The following SLC25A26 variants were observed in gnomAD, a reference collection of about 807,000 sequenced individuals.
The protein encoded by SLC25A26 is solute carrier family 25 member 26, also known as mitochondrial S-adenosylmethionine carrier protein.
A neutral mutation model predicts 37.8 loss-of-function variants in SLC25A26; 36 were observed. The ratio of observed to expected loss-of-function variants is 0.95; its 90% CI spans 0.73 to 1.26. The LOEUF (loss-of-function observed/expected upper bound fraction) is 1.26, where lower values mean the gene tolerates loss of function less well. Ranked by LOEUF, SLC25A26 falls within the 50% of genes most tolerant of loss-of-function variation. The probability of loss-of-function intolerance (pLI) is 0.00; values close to 1 mark genes in which losing one functional copy is unlikely to be tolerated. For synonymous variants in SLC25A26, 129 were observed against 122.5 expected (o/e 1.05, Z -0.35); for missense variants, 390 against 331.1 (o/e 1.18, Z -1.38).
intron 3 of SLC25A26, among the ~76,000 whole-genome samples, chr3:66,255,625 A>G (rs1177618540): frequency 6.6e-6 from 1 of 152,154 alleles, no homozygotes; most frequent in African/African-American, 2.4e-5. Flanking sequence ...TGAACCTCAG[A>G]TTTATAAGGA....
intron 5 of SLC25A26, among the ~76,000 whole-genome samples, chr3:66,288,000 A>G (rs899786871): frequency 6.6e-6 from 1 of 152,240 alleles, no homozygotes; most frequent in African/African-American, 2.4e-5. Flanking sequence ...GTTCACCAGA[A>G]AACATTTATA....
At chr3:66,222,758 C>T (rs1181277337) in intron 1 of SLC25A26, among the ~76,000 whole-genome samples, 4 of 152,182 alleles carry the variant, frequency 2.6e-5, no homozygotes, top group South Asian at 4.1e-4. Context: ...ACCTGGGAGT[C>T]GTGCCCTTAT....
chr3:66,208,956 A>C (rs2071224477), intron 1 of SLC25A26, among the ~76,000 whole-genome samples: 1 of 106,444 alleles, frequency 9.4e-6, no homozygotes, highest in Non-Finnish European at 1.8e-5. Context: ...TTATATATAT[A>C]TACCCATATA....
chr3:66,354,434 T>G (rs2076529127), intron 6 of SLC25A26, among the ~76,000 whole-genome samples: 1 of 152,224 alleles, frequency 6.6e-6, no homozygotes, highest in African/African-American at 2.4e-5. Flanking sequence ...GCATTATCAC[T>G]TCACTTATAT....
intron 1 of SLC25A26, among the ~76,000 whole-genome samples, chr3:66,214,225 T>C (rs1268975697): frequency 6.6e-6 from 1 of 152,080 alleles, no homozygotes; most frequent in Non-Finnish European, 1.5e-5. Context: ...CTGGCAGCTA[T>C]CTTTCTACCT....
At chr3:66,139,673 C>CA (rs2070005278) in intron 1 of SLC25A26, among the ~76,000 whole-genome samples, 1 of 152,184 alleles carries the variant, frequency 6.6e-6, no homozygotes, top group Admixed American at 6.5e-5. Flanking sequence ...AGATGGTCGG[C>CA]TGCAGTGTTA....
intron 5 of SLC25A26, among the ~76,000 whole-genome samples, chr3:66,270,429 G>C (rs2073918603): frequency 6.6e-6 from 1 of 152,028 alleles, no homozygotes; most frequent in Non-Finnish European, 1.5e-5. Flanking sequence ...TGACCAAATA[G>C]AACATCTGTT....
chr3:66,221,804 G>A (rs1273830285), intron 1 of SLC25A26, among the ~76,000 whole-genome samples: 2 of 150,522 alleles, frequency 1.3e-5, no homozygotes, highest in Admixed American at 1.3e-4. Context: ...AGATACAGCA[G>A]TTAACAAAAC....
chr3:66,363,954 A>G lies in SLC25A26; in HGVS notation c.568+1025A>G, dbSNP rs548080953. On this transcript the variant is annotated intron_variant, in intron 7 of 9. Coordinates refer to ENST00000354883, the MANE Select transcript of SLC25A26 (RefSeq NM_001379210.1). ...CACATAGTCATTAGCTGTGTTAAATAAGTAGGTGGTCTTGATTCATTTTCC... is the reference window on the plus strand; with the variant it reads ...CACATAGTCATTAGCTGTGTTAAATGAGTAGGTGGTCTTGATTCATTTTCC... 2.0e-5 allele frequency among the ~76,000 whole-genome samples: 3 copies of G among 151,852 alleles called. No homozygotes were observed. In the South Asian group the frequency reaches 6.2e-4, roughly 32 times the overall value.
chr3:66,140,559 A>ATGTT (rs2070018689), intron 1 of SLC25A26, among the ~76,000 whole-genome samples: 1 of 152,206 alleles, frequency 6.6e-6, no homozygotes, highest in Non-Finnish European at 1.5e-5. Context: ...TACAGGATGC[A>ATGTT]CGCTGAGGTA....
intron 7 of SLC25A26, among the ~76,000 whole-genome samples, chr3:66,365,416 G>A (rs1265988662): frequency 6.6e-6 from 1 of 152,156 alleles, no homozygotes; most frequent in African/African-American, 2.4e-5. Flanking sequence ...AAATTCCCTT[G>A]GCTTCTGGTC....
intron 1 of SLC25A26, among the ~76,000 whole-genome samples, chr3:66,138,869 T>C (rs2106661611): frequency 1.3e-5 from 2 of 152,258 alleles, no homozygotes; most frequent in Admixed American, 1.3e-4. Context: ...ATGTGAATAG[T>C]AATGGTCCTG....
At chr3:66,272,164 A>G (rs1183681819) in intron 5 of SLC25A26, among the ~76,000 whole-genome samples, 1 of 152,128 alleles carries the variant, frequency 6.6e-6, no homozygotes, top group African/African-American at 2.4e-5. Context: ...ACATTATTTC[A>G]CATAATCCTC....
intron 6 of SLC25A26, among the ~76,000 whole-genome samples, chr3:66,357,680 A>T (rs952532940): frequency 4.6e-5 from 7 of 152,098 alleles, no homozygotes; most frequent in Non-Finnish European, 8.8e-5. Context: ...AGGTTGAGAA[A>T]TTATGGAAAT....
chr3:66,354,122 A>G (rs898666566), intron 6 of SLC25A26, among the ~76,000 whole-genome samples: 2 of 152,036 alleles, frequency 1.3e-5, no homozygotes, highest in African/African-American at 4.8e-5. Context: ...TAAGCATATT[A>G]TGAAAGGATA....
At position 66,275,145 on chromosome 3, in the gene SLC25A26, G is replaced by A. The variant is rs1045073465; in HGVS notation, c.453+11766G>A. Among the ~76,000 whole-genome samples the A allele has an allele frequency of 8.1e-3, 1,216 of 150,874 alleles. 19 individuals carry two copies. The highest frequency in any genetic ancestry group is 0.028 in the African/African-American group (1,153 of 41,154). ...AAATCATCATTCTCAGTAAACTATC[G>A]CAAGGACAAAAAACCAAACACGGCA... On this transcript the variant is annotated intron_variant, in intron 5 of 9. Transcript: ENST00000354883.
chr3:66,370,627 C>T (rs555688001), intron 9 of SLC25A26, 25 bp downstream of exon 9: 2 of 1,589,464 alleles, frequency 1.3e-6, no homozygotes, highest in East Asian at 2.2e-5. Flanking sequence ...GCCCTCCTTC[C>T]TTTCTTCCTC....
chr3:66,189,894 A>C (rs1353211750), intron 1 of SLC25A26, among the ~76,000 whole-genome samples: 1 of 152,050 alleles, frequency 6.6e-6, no homozygotes, highest in South Asian at 2.1e-4. Context: ...GGAACTCCTC[A>C]GTTCAAGTGA....
Position 66,362,862 on chromosome 3 carries a change from C to T in SLC25A26, c.501C>T (p.Ala167=). Residue 167 remains alanine (A), a splice_region_variant and synonymous_variant, in exon 7 of 10, where the codon GCC becomes GCT. Transcript: ENST00000354883. ...VQFPLWESLK[A]LWSWRQDHVV... Reference sequence around the variant, plus strand: ...TTTTTCTTTCTCCTTAAACACAGGCCCTCTGGTCCTGGAGGCAGGATCATG... The same window carrying T: ...TTTTTCTTTCTCCTTAAACACAGGCTCTCTGGTCCTGGAGGCAGGATCATG... 2 of 1,595,602 alleles carry T rather than the reference C, an allele frequency of 1.3e-6. No individual in the cohort carries two copies. Among genetic ancestry groups the T allele is most frequent in the Non-Finnish European group, 8.5e-7 (1 of 1,171,380 alleles).
Sources: allele counts gnomAD v4.1 joint callset (sites outside exome capture counted in the v4.1 genomes callset), GRCh38; gene constraint gnomAD v4.1.1; transcripts MANE v1.5; gene names NCBI Gene and HGNC (gene_info 2026-07-23, HGNC 2026-07-21).